Variants in RNF220 observed in about 807,000 individuals in gnomAD.
RNF220 encodes ring finger protein 220, also known as E3 ubiquitin-protein ligase RNF220.
RNF220 carries 7 observed loss-of-function variants against 67.1 expected under a neutral mutation model. That is an observed-to-expected ratio of 0.10 (90% CI 0.06 to 0.20). The LOEUF (loss-of-function observed/expected upper bound fraction) is 0.20, where lower values mean the gene tolerates loss of function less well. RNF220 is among the 10% of genes least tolerant of loss of function. The pLI, the probability that RNF220 is intolerant of heterozygous loss-of-function variation, is 1.00. For missense variants in RNF220, 565 were observed against 740.3 expected (o/e 0.76, Z 2.75); for synonymous variants, 270 against 283.2 (o/e 0.95, Z 0.47).
rs182051267 is a variant in RNF220 at position 44,488,470 on chromosome 1, C to A, written c.625+75748C>A. On this transcript the variant is annotated intron_variant, in intron 2 of 14. Transcript: ENST00000361799. ...TATATTCTCAGTAGAGACAGGGTTT[C>A]GCCATGTCATAATTTTTTATTTTTA... is the stretch of plus-strand genomic sequence containing the variant. Among the ~76,000 whole-genome samples the A allele has an allele frequency of 8.7e-4, 133 of 152,072 alleles. 1 individual carries two copies. The Middle Eastern group carries it at 0.02, about 23-fold the overall frequency.
At chr1:44,523,307 A>G (rs1327018592) in intron 2 of RNF220, among the ~76,000 whole-genome samples, 2 of 152,148 alleles carry the variant, frequency 1.3e-5, no homozygotes, top group Non-Finnish European at 2.9e-5. Flanking sequence ...GCCCCGGGGA[A>G]GGGTCTGGGC....
At position 44,635,533 on chromosome 1, in the gene RNF220, T is replaced by C; in HGVS notation, c.950-12T>C. 6.2e-7 allele frequency: 1 copy of C among 1,612,504 alleles called. No homozygotes were observed. Among genetic ancestry groups the C allele is most frequent in the Non-Finnish European group, 8.5e-7 (1 of 1,179,424 alleles). On this transcript the variant is annotated splice_polypyrimidine_tract_variant and intron_variant, in intron 6 of 14. Transcript: ENST00000361799. ...GCTTGTTCTGTGCTTTGTTTTCGGT[T>C]TCCCCGTGCAGCTCGGATTGGGAAA...
chr1:44,448,511 C>A (rs1438232564), intron 2 of RNF220, among the ~76,000 whole-genome samples: 2 of 152,202 alleles, frequency 1.3e-5, no homozygotes, highest in Non-Finnish European at 2.9e-5. Context: ...CTGCAACTTT[C>A]TGATGCCTGC....
intron 2 of RNF220, among the ~76,000 whole-genome samples, chr1:44,542,939 C>T (rs536707202): frequency 5.3e-5 from 8 of 152,092 alleles, no homozygotes; most frequent in East Asian, 2.0e-4. Context: ...CTCCCAGGCC[C>T]GCTCCAGGGC....
intron 2 of RNF220, among the ~76,000 whole-genome samples, chr1:44,523,009 G>C (rs1281970590): frequency 1.3e-5 from 2 of 152,246 alleles, no homozygotes; most frequent in African/African-American, 4.8e-5. Context: ...GGACTAGTAA[G>C]GGAGAAGGAA....
At chr1:44,479,139 A>G (rs1479597890) in intron 2 of RNF220, among the ~76,000 whole-genome samples, 1 of 148,304 alleles carries the variant, frequency 6.7e-6, no homozygotes. Context: ...TTTTTTAGAC[A>G]GAGTCTCACT....
chr1:44,475,368 C>T (rs1479164547), intron 2 of RNF220, among the ~76,000 whole-genome samples: 3 of 150,498 alleles, frequency 2.0e-5, no homozygotes, highest in Non-Finnish European at 4.4e-5. Flanking sequence ...GTCAGGAGTT[C>T]AAGACCAGCC....
chr1:44,523,597 G>A (rs917393767), intron 2 of RNF220, among the ~76,000 whole-genome samples: 2 of 152,326 alleles, frequency 1.3e-5, no homozygotes, highest in Non-Finnish European at 1.5e-5. Context: ...TACAAAATGA[G>A]GCTAATGGTT....
chr1:44,597,909 C>T (rs185603731), intron 2 of RNF220, among the ~76,000 whole-genome samples: 83 of 151,968 alleles, frequency 5.5e-4, no homozygotes, highest in Admixed American at 4.2e-3. Context: ...AACATACACC[C>T]GTCTACCTCC....
At chr1:44,441,104 A>G (rs1312764018) in intron 2 of RNF220, among the ~76,000 whole-genome samples, 3 of 152,214 alleles carry the variant, frequency 2.0e-5, no homozygotes, top group Non-Finnish European at 4.4e-5. Context: ...CCAAGATATT[A>G]TCATTGGAAA....
intron 2 of RNF220, among the ~76,000 whole-genome samples, chr1:44,599,294 CAT>C (rs1396330847): frequency 1.3e-5 from 2 of 152,156 alleles, no homozygotes; most frequent in African/African-American, 4.8e-5. Flanking sequence ...GACATATAGA[CAT>C]ATGTGGAACA....
At chr1:44,553,967 G>T (rs1173807037) in intron 2 of RNF220, among the ~76,000 whole-genome samples, 2 of 152,168 alleles carry the variant, frequency 1.3e-5, no homozygotes, top group Admixed American at 1.3e-4. Context: ...ACCCTTGGCT[G>T]GCAGAGAAGG....
At chr1:44,582,513 T>C (rs1327150510) in intron 2 of RNF220, among the ~76,000 whole-genome samples, 1 of 152,090 alleles carries the variant, frequency 6.6e-6, no homozygotes, top group Admixed American at 6.5e-5. Context: ...TCCCAGCACG[T>C]TGGGAGGCCG....
intron 2 of RNF220, among the ~76,000 whole-genome samples, chr1:44,566,809 T>C (rs568254700): frequency 1.3e-5 from 2 of 152,290 alleles, no homozygotes; most frequent in South Asian, 2.1e-4. Context: ...GAAATGCCCT[T>C]GGAGGTCACC....
At chr1:44,510,492 C>T (rs1006972625) in intron 2 of RNF220, among the ~76,000 whole-genome samples, 1 of 152,188 alleles carries the variant, frequency 6.6e-6, no homozygotes, top group African/African-American at 2.4e-5. Context: ...AGCCAAACTG[C>T]TTTTCCTTCA....
At chr1:44,510,009 G>A (rs188898787) in intron 2 of RNF220, among the ~76,000 whole-genome samples, 9 of 151,934 alleles carry the variant, frequency 5.9e-5, no homozygotes, top group East Asian at 3.9e-4. Context: ...AGGCCAAGGC[G>A]GGAGGATCGC....
intron 2 of RNF220, among the ~76,000 whole-genome samples, chr1:44,447,262 C>T (rs1652199314): frequency 6.6e-6 from 1 of 152,166 alleles, no homozygotes; most frequent in South Asian, 2.1e-4. Flanking sequence ...TCAGTCATTG[C>T]CCTGTGATCC....
At chr1:44,635,648 G>A in intron 7 of RNF220, 60 bp downstream of exon 7, 1 of 1,613,936 alleles carries the variant, frequency 6.2e-7, no homozygotes, top group Non-Finnish European at 8.5e-7. Context: ...GTAGGCATGT[G>A]GAGCATTGCC....
intron 2 of RNF220, among the ~76,000 whole-genome samples, chr1:44,589,940 A>G (rs1204779179): frequency 6.6e-6 from 1 of 152,194 alleles, no homozygotes; most frequent in Non-Finnish European, 1.5e-5. Flanking sequence ...TTAAGGCTGC[A>G]CGGGAGGTGA....
Sources: gnomAD v4.1 joint callset for allele counts (sites outside exome capture counted in the v4.1 genomes callset) on GRCh38, gnomAD v4.1.1 for gene constraint, MANE v1.5 for transcripts, NCBI Gene and HGNC (gene_info 2026-07-23, HGNC 2026-07-21) for gene names.